Variants in SLC4A10 observed in about 807,000 individuals in gnomAD.
SLC4A10 encodes the protein solute carrier family 4 member 10, also known as sodium-driven chloride bicarbonate exchanger.
In SLC4A10, 42 loss-of-function variants were observed where a neutral mutation model predicts 137.7. The observed-to-expected ratio is 0.30, with a 90% CI of 0.24 to 0.39. SLC4A10 has a LOEUF of 0.39. Ranked by LOEUF, SLC4A10 falls within the 10% of genes least tolerant of loss-of-function variation. SLC4A10 has a pLI of 1.00. For synonymous variants in SLC4A10, 474 were observed against 464.1 expected, an observed-to-expected ratio of 1.02 and a Z score of -0.27; for missense variants, 925 against 1,355.0, an observed-to-expected ratio of 0.68 and a Z score of 4.98.
intron 1 of SLC4A10, among the ~76,000 whole-genome samples, chr2:161,714,220 T>G (rs748805101): frequency 7.2e-5 from 11 of 151,918 alleles, no homozygotes; most frequent in Non-Finnish European, 1.3e-4. Flanking sequence ...CTTTGCAACT[T>G]CACATTGCCT....
intron 1 of SLC4A10, among the ~76,000 whole-genome samples, chr2:161,741,211 C>T (rs963230011): frequency 4.0e-5 from 6 of 149,588 alleles, no homozygotes; most frequent in Non-Finnish European, 5.9e-5. Context: ...TATAGTGAGC[C>T]GTGATCATGC....
intron 2 of SLC4A10, among the ~76,000 whole-genome samples, chr2:161,781,881 T>C (rs2125477985): frequency 6.6e-6 from 1 of 152,164 alleles, no homozygotes; most frequent in Non-Finnish European, 1.5e-5. Context: ...TGCCAAAATT[T>C]CTACCCCCAA....
At chr2:161,865,756 G>T (rs2060702103) in intron 6 of SLC4A10, among the ~76,000 whole-genome samples, 1 of 151,894 alleles carries the variant, frequency 6.6e-6, no homozygotes. Context: ...GAACTCTAAA[G>T]CCTGACAAAC....
intron 26 of SLC4A10, among the ~76,000 whole-genome samples, chr2:161,980,510 A>G (rs1006621777): frequency 3.9e-5 from 6 of 152,026 alleles, no homozygotes; most frequent in Admixed American, 2.6e-4. Context: ...TTAGTTGGGT[A>G]TGGTAACGCA....
intron 15 of SLC4A10, among the ~76,000 whole-genome samples, chr2:161,937,461 C>T (rs950460042): frequency 1.3e-5 from 2 of 152,132 alleles, no homozygotes; most frequent in Non-Finnish European, 2.9e-5. Flanking sequence ...CCCTCACTGC[C>T]GTGCCCACAC....
chr2:161,792,156 T>C (rs1342544850), intron 2 of SLC4A10, among the ~76,000 whole-genome samples: 1 of 152,146 alleles, frequency 6.6e-6, no homozygotes, highest in African/African-American at 2.4e-5. Flanking sequence ...TGACATGTTT[T>C]CTGTGGATAA....
chr2:161,927,831 C>A (rs891072630), intron 15 of SLC4A10, among the ~76,000 whole-genome samples: 1 of 152,214 alleles, frequency 6.6e-6, no homozygotes, highest in African/African-American at 2.4e-5. Flanking sequence ...GATACCATCT[C>A]ACACCACTTA....
intron 6 of SLC4A10, among the ~76,000 whole-genome samples, chr2:161,869,954 A>G (rs966367617): frequency 3.3e-5 from 5 of 151,496 alleles, no homozygotes; most frequent in African/African-American, 1.2e-4. Context: ...CAAGAAGTTT[A>G]CTGTCATCTG....
intron 1 of SLC4A10, among the ~76,000 whole-genome samples, chr2:161,670,985 G>A (rs1200822194): frequency 1.3e-5 from 2 of 151,944 alleles, no homozygotes; most frequent in South Asian, 2.1e-4. Flanking sequence ...ATATTTCTTC[G>A]TATCTTTTCC....
intron 11 of SLC4A10, among the ~76,000 whole-genome samples, chr2:161,899,397 C>A (rs901065884): frequency 1.3e-5 from 2 of 152,066 alleles, no homozygotes; most frequent in African/African-American, 2.4e-5. Context: ...TCCTCCAATT[C>A]TCTTTTAACA....
At chr2:161,952,131 T>A (rs888884708) in intron 19 of SLC4A10, among the ~76,000 whole-genome samples, 2 of 152,152 alleles carry the variant, frequency 1.3e-5, no homozygotes, top group African/African-American at 2.4e-5. Context: ...AATTATCCTC[T>A]GTAAGGGCCA....
At chr2:161,683,717 CTTATAAG>C (rs2041105046) in intron 1 of SLC4A10, among the ~76,000 whole-genome samples, 1 of 152,070 alleles carries the variant, frequency 6.6e-6, no homozygotes, top group Admixed American at 6.6e-5. Flanking sequence ...TAATATTTGA[CTTATAAG>C]TTATAAGCAT....
intron 1 of SLC4A10, among the ~76,000 whole-genome samples, chr2:161,679,932 G>T (rs1272557847): frequency 6.6e-5 from 10 of 151,886 alleles, no homozygotes; most frequent in Admixed American, 6.6e-4. Flanking sequence ...TCTAGCCATG[G>T]CCTGTATTTC....
rs2043990922 is a variant in SLC4A10 at position 161,709,002 on chromosome 2, G to A, written c.49-61971G>A. Among the ~76,000 whole-genome samples the A allele has an allele frequency of 2.6e-5, 4 of 151,602 alleles. No homozygotes were observed. The South Asian group carries it at 8.3e-4, about 31-fold the overall frequency. On this transcript the variant is annotated intron_variant, in intron 1 of 26. Transcript: ENST00000446997. ...TAAACAATATGATTATTAGAAATGT[G>A]TGTGTATGTGTGTGCCTGTGTGTGT... is the stretch of plus-strand genomic sequence containing the variant.
chr2:161,872,152 A>T (rs1358546469), intron 6 of SLC4A10, 141 bp from the exon 7 acceptor site: 1 of 476,116 alleles, frequency 2.1e-6, no homozygotes, highest in East Asian at 3.1e-5. Context: ...ATATAGATTT[A>T]TTTATATTGA....
chr2:161,790,148 A>G (rs527851705), intron 2 of SLC4A10, among the ~76,000 whole-genome samples: 1 of 152,344 alleles, frequency 6.6e-6, no homozygotes, highest in Non-Finnish European at 1.5e-5. Context: ...ATTCTATTAT[A>G]AAGCAATAAA....
At chr2:161,948,047 A>G (rs1694140061) in intron 17 of SLC4A10, among the ~76,000 whole-genome samples, 1 of 152,124 alleles carries the variant, frequency 6.6e-6, no homozygotes, top group Non-Finnish European at 1.5e-5. Flanking sequence ...AGCCTGACAG[A>G]TACCTCAGAG....
At chr2:161,755,473 T>A (rs1191166994) in intron 1 of SLC4A10, among the ~76,000 whole-genome samples, 1 of 152,104 alleles carries the variant, frequency 6.6e-6, no homozygotes, top group Non-Finnish European at 1.5e-5. Context: ...ATAGATTAGG[T>A]GATTTTCAAG....
chr2:161,885,999 T>A (rs576081188), intron 10 of SLC4A10, among the ~76,000 whole-genome samples: 3 of 151,802 alleles, frequency 2.0e-5, no homozygotes, highest in Non-Finnish European at 4.4e-5. Flanking sequence ...CTTGGGAGGG[T>A]GAGGTGGGCG....
Sources: allele counts gnomAD v4.1 joint callset (sites outside exome capture counted in the v4.1 genomes callset), GRCh38; gene constraint gnomAD v4.1.1; transcripts MANE v1.5; gene names NCBI Gene and HGNC (gene_info 2026-07-23, HGNC 2026-07-21).